Variants in IL23R observed in about 807,000 individuals in gnomAD.
IL23R encodes the protein interleukin-23 receptor.
IL23R carries 34 observed loss-of-function variants against 56.9 expected under a neutral mutation model. The ratio of observed to expected loss-of-function variants is 0.60; its 90% CI spans 0.45 to 0.80. The LOEUF (loss-of-function observed/expected upper bound fraction) is 0.80, where lower values mean the gene tolerates loss of function less well. IL23R is among the 30% of genes least tolerant of loss of function. The probability of loss-of-function intolerance (pLI) is 0.00; values close to 1 mark genes in which losing one functional copy is unlikely to be tolerated. For synonymous variants in IL23R, 230 were observed against 249.2 expected, an observed-to-expected ratio of 0.92 and a Z score of 0.73; for missense variants, 635 against 730.0, an observed-to-expected ratio of 0.87 and a Z score of 1.50.
chr1:67,142,746 T>C (rs1250360104), intron 1 of IL23R, among the ~76,000 whole-genome samples: 1 of 152,042 alleles, frequency 6.6e-6, no homozygotes, highest in Non-Finnish European at 1.5e-5. Context: ...TTTTGTATTT[T>C]TAATAGAGAT....
intron 4 of IL23R, among the ~76,000 whole-genome samples, 156 bp downstream of exon 4, chr1:67,183,115 C>T (rs889912924): frequency 1.3e-5 from 2 of 152,230 alleles, no homozygotes; most frequent in Non-Finnish European, 2.9e-5. Context: ...ACTACCAAAG[C>T]CCTTTTCAAG....
chr1:67,256,934 G>C (rs142501313), intron 10 of IL23R, among the ~76,000 whole-genome samples: 1 of 152,284 alleles, frequency 6.6e-6, no homozygotes, highest in East Asian at 1.9e-4. Flanking sequence ...TCTGAGTTCT[G>C]TAACACAAGA....
At chr1:67,229,016 T>C (rs991292789) in intron 7 of IL23R, among the ~76,000 whole-genome samples, 1 of 152,218 alleles carries the variant, frequency 6.6e-6, no homozygotes, top group African/African-American at 2.4e-5. Flanking sequence ...AACATGTGTA[T>C]GGGGATTTCT....
downstream of IL23R, among the ~76,000 whole-genome samples, chr1:67,261,757 C>T (rs1653211608): frequency 6.6e-6 from 1 of 152,134 alleles, no homozygotes; most frequent in Admixed American, 6.5e-5. Flanking sequence ...TTTTATAGTA[C>T]GTTTCACCAT....
At chr1:67,178,618 C>T (rs1011583894) in intron 3 of IL23R, among the ~76,000 whole-genome samples, 4 of 152,182 alleles carry the variant, frequency 2.6e-5, no homozygotes, top group Admixed American at 2.0e-4. Context: ...ATTTCCTTCA[C>T]CTGCCTGATT....
At chr1:67,180,206 T>A (rs879142188) in intron 3 of IL23R, among the ~76,000 whole-genome samples, 1 of 152,182 alleles carries the variant, frequency 6.6e-6, no homozygotes, top group Non-Finnish European at 1.5e-5. Flanking sequence ...CTGTCTAATG[T>A]TGACAGTGGG....
At chr1:67,206,529 A>G (rs1326917813) in intron 5 of IL23R, among the ~76,000 whole-genome samples, 2 of 152,106 alleles carry the variant, frequency 1.3e-5, no homozygotes, top group Non-Finnish European at 2.9e-5. Context: ...GGTGCATATC[A>G]TCTCTCCTCG....
chr1:67,228,559 C>A (rs1387328380), intron 7 of IL23R, among the ~76,000 whole-genome samples: 1 of 151,916 alleles, frequency 6.6e-6, no homozygotes, highest in African/African-American at 2.4e-5. Flanking sequence ...ACTACTGTCA[C>A]AAATCATCAC....
chr1:67,210,669 T>A (rs997102728), intron 6 of IL23R, among the ~76,000 whole-genome samples: 3 of 152,102 alleles, frequency 2.0e-5, no homozygotes, highest in Admixed American at 2.0e-4. Context: ...TCTTGCCATG[T>A]TGCCCAGGCC....
chr1:67,147,311 A>AT (rs1485294749), intron 1 of IL23R, among the ~76,000 whole-genome samples: 1 of 151,982 alleles, frequency 6.6e-6, no homozygotes, highest in African/African-American at 2.4e-5. Context: ...ATTAATTCCC[A>AT]TTTTTTCACA....
intron 1 of IL23R, among the ~76,000 whole-genome samples, chr1:67,139,667 CT>C (rs1343542562): frequency 5.3e-5 from 8 of 152,202 alleles, no homozygotes; most frequent in African/African-American, 1.9e-4. Context: ...TCATGTTGAA[CT>C]TTAATCTCCA....
chr1:67,222,224 C>A (rs1311848034), intron 7 of IL23R, among the ~76,000 whole-genome samples: 1 of 140,744 alleles, frequency 7.1e-6, no homozygotes, highest in Non-Finnish European at 1.5e-5. Flanking sequence ...TCAAGAGATT[C>A]TTGTGCCTCA....
chr1:67,224,153 A>G (rs1384874127), intron 7 of IL23R, among the ~76,000 whole-genome samples: 3 of 152,238 alleles, frequency 2.0e-5, no homozygotes, highest in Non-Finnish European at 4.4e-5. Context: ...GAAGACACAC[A>G]GTAAAAATCA....
intron 4 of IL23R, among the ~76,000 whole-genome samples, chr1:67,193,224 A>C (rs1182072016): frequency 1.3e-5 from 2 of 152,162 alleles, no homozygotes; most frequent in Non-Finnish European, 2.9e-5. Context: ...TCTCTCTAAA[A>C]AACAAAAACC....
intron 4 of IL23R, among the ~76,000 whole-genome samples, chr1:67,183,327 G>C (rs1185539471): frequency 6.6e-6 from 1 of 152,182 alleles, no homozygotes; most frequent in Non-Finnish European, 1.5e-5. Flanking sequence ...CTGAGGTCAG[G>C]AGTTTGAGAC....
intron 7 of IL23R, among the ~76,000 whole-genome samples, chr1:67,221,582 A>G (rs545675734): frequency 6.6e-6 from 1 of 152,334 alleles, no homozygotes; most frequent in African/African-American, 2.4e-5. Flanking sequence ...AGCACATAAT[A>G]AAATGAATCT....
At chr1:67,228,887 G>T (rs548225430) in intron 7 of IL23R, among the ~76,000 whole-genome samples, 1 of 152,254 alleles carries the variant, frequency 6.6e-6, no homozygotes, top group South Asian at 2.1e-4. Flanking sequence ...ATCTAGGATA[G>T]CCACTTCCTC....
intron 1 of IL23R, among the ~76,000 whole-genome samples, chr1:67,153,599 C>T (rs1305688005): frequency 6.6e-6 from 1 of 152,060 alleles, no homozygotes; most frequent in East Asian, 1.9e-4. Flanking sequence ...TGTAAATTTC[C>T]CTCTAAACAC....
chr1:67,219,142 G>A (rs568482597), intron 6 of IL23R, among the ~76,000 whole-genome samples: 2 of 151,886 alleles, frequency 1.3e-5, no homozygotes, highest in South Asian at 2.1e-4. Flanking sequence ...CAAGGTGGGC[G>A]GATCACTTGA....
Sources: allele counts gnomAD v4.1 joint callset (sites outside exome capture counted in the v4.1 genomes callset), GRCh38; gene constraint gnomAD v4.1.1; transcripts MANE v1.5; gene names NCBI Gene and HGNC (gene_info 2026-07-23, HGNC 2026-07-21).